Variants in PALS1 observed in about 807,000 individuals in gnomAD.
PALS1 encodes the protein protein PALS1.
PALS1 carries 31 observed loss-of-function variants against 78.9 expected under a neutral mutation model. The ratio of observed to expected loss-of-function variants is 0.39; its 90% CI spans 0.30 to 0.53. The LOEUF (loss-of-function observed/expected upper bound fraction) is 0.53. Ranked by LOEUF, PALS1 falls within the 20% of genes least tolerant of loss-of-function variation. The probability of loss-of-function intolerance (pLI) is 0.67; values close to 1 mark genes in which losing one functional copy is unlikely to be tolerated. For synonymous variants in PALS1, 276 were observed against 270.9 expected (o/e 1.02, Z -0.18); for missense variants, 704 against 826.5 (o/e 0.85, Z 1.82).
intron 5 of PALS1, 121 bp downstream of exon 5, chr14:67,301,587 A>T: frequency 1.8e-6 from 1 of 552,294 alleles, no homozygotes; most frequent in East Asian, 3.1e-5. Flanking sequence ...GATGTTTACA[A>T]CCCCATCTAT....
chr14:67,321,802 C>T (rs1023956755), intron 13 of PALS1, among the ~76,000 whole-genome samples: 2 of 152,040 alleles, frequency 1.3e-5, no homozygotes, highest in African/African-American at 4.8e-5. Context: ...AGATGTTCTG[C>T]TTGTATATAT....
chr14:67,316,028 C>T (rs1173357493), intron 9 of PALS1, among the ~76,000 whole-genome samples: 1 of 152,128 alleles, frequency 6.6e-6, no homozygotes, highest in African/African-American at 2.4e-5. Flanking sequence ...ACAGATTATC[C>T]CCACCTATGT....
At chr14:67,306,385 C>T (rs1186872957) in intron 8 of PALS1, among the ~76,000 whole-genome samples, 2 of 151,946 alleles carry the variant, frequency 1.3e-5, no homozygotes, top group South Asian at 2.1e-4. Context: ...TGCTCTGTCG[C>T]CCAGGCTGGA....
At chr14:67,313,202 T>G (rs1371537983) in intron 9 of PALS1, among the ~76,000 whole-genome samples, 1 of 152,170 alleles carries the variant, frequency 6.6e-6, no homozygotes, top group Admixed American at 6.5e-5. Context: ...ACTAAAACTT[T>G]AGCTTACATT....
At chr14:67,331,556 G>A (rs1029584001) in intron 14 of PALS1, among the ~76,000 whole-genome samples, 1 of 152,006 alleles carries the variant, frequency 6.6e-6, no homozygotes, top group Non-Finnish European at 1.5e-5. Flanking sequence ...CTTATTGTCA[G>A]TTTTGCCTAG....
intron 13 of PALS1, among the ~76,000 whole-genome samples, chr14:67,323,424 G>A (rs2085297862): frequency 6.6e-6 from 1 of 151,396 alleles, no homozygotes; most frequent in Non-Finnish European, 1.5e-5. Context: ...AGACCAGCCT[G>A]GACAACAAAG....
intron 3 of PALS1, among the ~76,000 whole-genome samples, chr14:67,284,437 A>AAAAAAAAAC (rs2084647082): frequency 3.4e-5 from 5 of 148,150 alleles, no homozygotes; most frequent in Middle Eastern, 3.5e-3. Context: ...CTTAAAAAAA[A>AAAAAAAAAC]AAAAAAACAG....
chr14:67,266,337 AT>A (rs11319956), intron 1 of PALS1, among the ~76,000 whole-genome samples: 25,186 of 151,098 alleles, frequency 0.17, 4,025 homozygotes, highest in East Asian at 0.43. Flanking sequence ...AAATATTTCA[AT>A]TTTTTTTTGA....
Position 67,279,081 on chromosome 14 carries a change from G to A in PALS1, c.-90G>A. 3 of 1,115,742 alleles carry A rather than the reference G, an allele frequency of 2.7e-6. No individual in the cohort carries two copies. Among genetic ancestry groups the A allele is most frequent in the Non-Finnish European group, 3.5e-6 (3 of 847,952 alleles). 69.1% of individuals were successfully genotyped at this position (1,115,742 alleles called of 1,614,324 possible). A position where few individuals can be genotyped will look rare whatever the true frequency, so the allele number is the denominator to read the frequency against. Reference sequence around the variant, plus strand: ...GATGTGAGAAGTTTTTTTTTTTGAAGTAACATGGATTTTATACTACAGAAT... The same window carrying A: ...GATGTGAGAAGTTTTTTTTTTTGAAATAACATGGATTTTATACTACAGAAT... On this transcript the variant is annotated 5_prime_UTR_variant, in exon 3 of 15. Transcript: ENST00000261681.
At chr14:67,314,204 TG>T (rs1175378137) in intron 9 of PALS1, among the ~76,000 whole-genome samples, 1 of 143,124 alleles carries the variant, frequency 7.0e-6, no homozygotes, top group Non-Finnish European at 1.5e-5. Flanking sequence ...AAGGAGGGCA[TG>T]AAAAAAAAGA....
At chr14:67,256,080 T>C (rs927548294) in intron 1 of PALS1, among the ~76,000 whole-genome samples, 2 of 148,172 alleles carry the variant, frequency 1.3e-5, no homozygotes, top group Non-Finnish European at 1.5e-5. Flanking sequence ...CCTCAAATTA[T>C]AAAAGCAACA....
intron 8 of PALS1, among the ~76,000 whole-genome samples, chr14:67,306,445 A>G (rs1383603827): frequency 6.6e-6 from 1 of 151,740 alleles, no homozygotes; most frequent in Non-Finnish European, 1.5e-5. Flanking sequence ...CCTGTGTTCA[A>G]GCATTCTCCT....
At chr14:67,252,999 C>A (rs1028630171) in intron 1 of PALS1, among the ~76,000 whole-genome samples, 2 of 152,180 alleles carry the variant, frequency 1.3e-5, no homozygotes, top group African/African-American at 4.8e-5. Context: ...TTGCTGATGA[C>A]TTTTTCTTGT....
At chr14:67,311,740 T>A (rs962640170) in intron 8 of PALS1, among the ~76,000 whole-genome samples, 1 of 152,216 alleles carries the variant, frequency 6.6e-6, no homozygotes, top group Admixed American at 6.5e-5. Flanking sequence ...AATTCTTTGA[T>A]TTATTCTGAT....
intron 1 of PALS1, among the ~76,000 whole-genome samples, chr14:67,246,189 T>C (rs1164869487): frequency 2.0e-5 from 3 of 152,158 alleles, no homozygotes; most frequent in African/African-American, 4.8e-5. Flanking sequence ...CTGTCCAGGC[T>C]GGAGTGCAGT....
intron 12 of PALS1, 84 bp downstream of exon 12, chr14:67,320,481 A>G (rs1335492418): frequency 7.8e-7 from 1 of 1,277,472 alleles, no homozygotes; most frequent in African/African-American, 1.5e-5. Flanking sequence ...GAAATTTTTT[A>G]TTCATTTCAT....
intron 3 of PALS1, among the ~76,000 whole-genome samples, chr14:67,280,877 C>CTTT (rs2084598746): frequency 7.3e-6 from 1 of 137,372 alleles, no homozygotes; most frequent in Admixed American, 7.8e-5. Context: ...CCCTCCCTCC[C>CTTT]TCCCTTTTCT....
chr14:67,332,001 T>C (rs1283460750), intron 14 of PALS1, among the ~76,000 whole-genome samples: 6 of 152,236 alleles, frequency 3.9e-5, no homozygotes, highest in Non-Finnish European at 2.9e-5. Flanking sequence ...GTTTTCTTAC[T>C]GTTACAGAAG....
Position 67,292,703 on chromosome 14 carries a change from A to G in PALS1, c.560A>G (p.Gln187Arg). The G allele has an allele frequency of 6.2e-7, 1 of 1,613,518 alleles. No homozygotes were observed. Among genetic ancestry groups the G allele is most frequent in the Non-Finnish European group, 8.5e-7 (1 of 1,179,604 alleles). The change falls in exon 4 of 15, where the codon CAA becomes CGA. Residue 187 changes from glutamine to arginine, a missense_variant. Transcript: ENST00000261681. ...SPPFPLISNA[Q>R]DLAQEVQTVL... ...CCATTTCCTCTTATCTCCAACGCAC[A>G]AGATCTTGCTCAAGAGGTATGTATT...
Sources: gnomAD v4.1 joint callset for allele counts (sites outside exome capture counted in the v4.1 genomes callset) on GRCh38, gnomAD v4.1.1 for gene constraint, MANE v1.5 for transcripts, NCBI Gene and HGNC (gene_info 2026-07-23, HGNC 2026-07-21) for gene names.